RUFY3: variants seen among roughly 807,000 people sequenced by gnomAD.
RUFY3 encodes protein RUFY3.
In RUFY3, 34 loss-of-function variants were observed where a neutral mutation model predicts 84.0. The ratio of observed to expected loss-of-function variants is 0.40; its 90% CI spans 0.31 to 0.54. RUFY3 has a LOEUF of 0.54. Among genes scored for constraint, RUFY3 ranks in the 20% least tolerant of loss-of-function variants. The pLI, the probability that RUFY3 is intolerant of heterozygous loss-of-function variation, is 0.39. For synonymous variants in RUFY3, 242 were observed against 252.9 expected (o/e 0.96, Z 0.41); for missense variants, 507 against 736.8 (o/e 0.69, Z 3.61).
At chr4:70,705,223 G>T in exon 1 of RUFY3, 1 of 1,461,360 alleles carries the variant, frequency 6.8e-7, no homozygotes, top group Non-Finnish European at 9.0e-7. Flanking sequence ...CCGTCCCCCG[G>T]CTCACCGCTG....
chr4:70,755,688 A>T (rs1475489632), intron 1 of RUFY3, among the ~76,000 whole-genome samples: 1 of 152,246 alleles, frequency 6.6e-6, no homozygotes, highest in Non-Finnish European at 1.5e-5. Context: ...ACGGTGGCTC[A>T]TGCCTGTAAT....
At chr4:70,741,693 C>A in intron 1 of RUFY3, 1 of 1,468,020 alleles carries the variant, frequency 6.8e-7, no homozygotes, top group Non-Finnish European at 9.0e-7. Context: ...GCGTGCCACA[C>A]CAACATCTTT....
At chr4:70,792,967 T>C (rs10012829) in intron 12 of RUFY3, 27,926 of 985,346 alleles carry the variant, frequency 0.028, 1,607 homozygotes, top group African/African-American at 0.22. Flanking sequence ...AGTGATCAAA[T>C]ACCGAAATTG....
At chr4:70,711,803 C>G (rs192132498) in intron 1 of RUFY3, among the ~76,000 whole-genome samples, 5 of 152,178 alleles carry the variant, frequency 3.3e-5, no homozygotes, top group African/African-American at 1.2e-4. Flanking sequence ...GTCATGCCCC[C>G]GTTTCCTTCC....
intron 1 of RUFY3, among the ~76,000 whole-genome samples, chr4:70,760,957 C>T (rs1466436673): frequency 1.3e-5 from 2 of 152,198 alleles, no homozygotes; most frequent in African/African-American, 2.4e-5. Context: ...TGACTCTGCT[C>T]ATTTAACTTT....
chr4:70,770,728 C>CCTTTG (rs1309803321), intron 5 of RUFY3, among the ~76,000 whole-genome samples: 2 of 152,068 alleles, frequency 1.3e-5, no homozygotes, highest in African/African-American at 4.8e-5. Context: ...CACTTAATTC[C>CCTTTG]CTTCAAGCAC....
chr4:70,727,512 C>T lies in RUFY3; in HGVS notation c.178+4761C>T, dbSNP rs181426231. Among the ~76,000 whole-genome samples the T allele has an allele frequency of 4.0e-4, 60 of 151,208 alleles. No individual in the cohort carries two copies. In the East Asian group the frequency reaches 9.1e-3, roughly 23 times the overall value. ...CTGGGATTACAGGCAGACGCCACCA[C>T]GCCTGGGTAATTTTTGTATTTTTAG... On this transcript the variant is annotated intron_variant, in intron 1 of 17. Transcript: ENST00000381006.
chr4:70,756,120 G>A lies in RUFY3; in HGVS notation c.179-6399G>A, dbSNP rs370158889. 2.3e-4 allele frequency among the ~76,000 whole-genome samples: 35 copies of A among 152,060 alleles called. No individual in the cohort carries two copies. The South Asian group carries it at 3.1e-3, about 14-fold the overall frequency. The stretch of plus-strand genomic sequence containing the variant: ...ATCTAATCGCCAAAACTACAAATAG[G>A]GAAGTTACTCTCCATTCTCCTTGAC... On this transcript the variant is annotated intron_variant, in intron 1 of 17. Coordinates refer to ENST00000381006, the MANE Select transcript of RUFY3 (RefSeq NM_001037442.4).
chr4:70,732,657 A>G (rs1364560981), intron 1 of RUFY3, among the ~76,000 whole-genome samples: 1 of 152,066 alleles, frequency 6.6e-6, no homozygotes, highest in Non-Finnish European at 1.5e-5. Context: ...TATCACAAGG[A>G]CAAAAAACCA....
chr4:70,739,839 A>G (rs80201709), intron 1 of RUFY3, among the ~76,000 whole-genome samples: 1,761 of 151,582 alleles, frequency 0.012, 16 homozygotes, highest in Non-Finnish European at 0.018. Context: ...AAAAAAAAAA[A>G]AAAAAGCCGG....
upstream of RUFY3, chr4:70,704,107 G>C (rs908454738): frequency 2.0e-5 from 3 of 152,228 alleles, no homozygotes; most frequent in Admixed American, 6.5e-5. Flanking sequence ...CTGTCGACCT[G>C]TAATTGACAT....
chr4:70,705,091 C>T (rs770623744), exon 1 of RUFY3: 1 of 1,343,816 alleles, frequency 7.4e-7, no homozygotes, highest in Non-Finnish European at 9.5e-7. Context: ...GCCTCCCCCG[C>T]CGGGCAGTCG....
chr4:70,765,215 A>G (rs1007882760), intron 4 of RUFY3, among the ~76,000 whole-genome samples: 2 of 149,678 alleles, frequency 1.3e-5, no homozygotes, highest in South Asian at 2.1e-4. Flanking sequence ...ATGTGTATAT[A>G]TATATATATA....
intron 1 of RUFY3, among the ~76,000 whole-genome samples, chr4:70,725,183 C>T (rs1426446166): frequency 6.6e-6 from 1 of 152,162 alleles, no homozygotes; most frequent in East Asian, 1.9e-4. Context: ...GAGTTCCTGG[C>T]CCTTCACTGA....
intron 1 of RUFY3, chr4:70,734,469 T>G (rs984692079): frequency 4.0e-5 from 39 of 985,196 alleles, no homozygotes; most frequent in Non-Finnish European, 4.1e-5. Flanking sequence ...AGTGAACTTC[T>G]CAAAGTGAGA....
At chr4:70,780,427 G>C (rs1051338455) in intron 8 of RUFY3, among the ~76,000 whole-genome samples, 7 of 152,090 alleles carry the variant, frequency 4.6e-5, no homozygotes, top group African/African-American at 1.4e-4. Context: ...CCGAGTAGCC[G>C]GGACCACAGG....
chr4:70,775,945 A>AAAAAAAAAAAAAAC (rs1553917238), intron 7 of RUFY3, among the ~76,000 whole-genome samples: 788 of 16,694 alleles, frequency 0.047, 11 homozygotes, highest in African/African-American at 0.07. Flanking sequence ...TGTCTTAAAC[A>AAAAAAAAAAAAAAC]AAAAAAAAAA....
chr4:70,728,334 TGCG>T (rs1190185814), intron 1 of RUFY3, among the ~76,000 whole-genome samples: 1 of 152,242 alleles, frequency 6.6e-6, no homozygotes, highest in Non-Finnish European at 1.5e-5. Flanking sequence ...GACTGGGAGC[TGCG>T]GCTTGCTGCC....
Position 70,738,579 on chromosome 4 carries a change from G to A in RUFY3, c.178+15828G>A, listed in dbSNP as rs1720798304. 2.0e-5 allele frequency among the ~76,000 whole-genome samples: 3 copies of A among 147,378 alleles called. No individual in the cohort carries two copies. In the South Asian group the frequency reaches 6.5e-4, roughly 32 times the overall value. ...GGGTTTCACTGTGTTGGCCAGGATG[G>A]TCTTGATCTCCTGACCTCATGATCT... is the stretch of plus-strand genomic sequence containing the variant. On this transcript the variant is annotated intron_variant, in intron 1 of 17. Coordinates refer to ENST00000381006, the MANE Select transcript of RUFY3 (RefSeq NM_001037442.4).
Sources: allele counts gnomAD v4.1 joint callset (sites outside exome capture counted in the v4.1 genomes callset), GRCh38; gene constraint gnomAD v4.1.1; transcripts MANE v1.5; gene names NCBI Gene and HGNC (gene_info 2026-07-23, HGNC 2026-07-21).